Variants in RBFOX3 observed in about 807,000 individuals in gnomAD.
RBFOX3 encodes RNA binding protein fox-1 homolog 3.
Under a neutral mutation model 48.7 loss-of-function variants are expected in RBFOX3, and 17 were observed. The observed-to-expected ratio is 0.35, with a 90% confidence interval of 0.24 to 0.52. RBFOX3 has a LOEUF of 0.52. Among genes scored for constraint, RBFOX3 ranks in the 20% least tolerant of loss-of-function variants. The pLI is 0.94. For synonymous variants in RBFOX3, 212 were observed against 209.5 expected, an observed-to-expected ratio of 1.01 and a Z score of -0.10; for missense variants, 382 against 497.5, an observed-to-expected ratio of 0.77 and a Z score of 2.21.
chr17:79,590,739 G>A (rs1177576705), intron 1 of RBFOX3, among the ~76,000 whole-genome samples: 3 of 152,152 alleles, frequency 2.0e-5, no homozygotes, highest in East Asian at 1.9e-4. Context: ...TGGATGCTGC[G>A]TGTCCACCTC....
chr17:79,616,561 C>G, the RBFOX3 span, among the ~76,000 whole-genome samples: 74 of 104,728 alleles, frequency 7.1e-4, no homozygotes, highest in East Asian at 0.017. Flanking sequence ...AAGAATGGAT[C>G]TCTCTGTCTC....
chr17:79,391,271 G>T lies in RBFOX3; in HGVS notation c.-174-83447C>A, dbSNP rs1568167674. Among the ~76,000 whole-genome samples the T allele has an allele frequency of 1.3e-5, 2 of 152,062 alleles. No homozygotes were observed. Among genetic ancestry groups the T allele is most frequent in the African/African-American group, 2.4e-5 (1 of 41,404 alleles). On this transcript the variant is annotated intron_variant, in intron 2 of 14. Transcript: ENST00000693108. This position sits in a 1 kb window ranked among gnomAD's most constrained non-coding sequence, Gnocchi z 5.0. ...TCCTTAGCGCAACCCCCAAGCTGGG[G>T]TCTCAGCTCCAGCACCTCTCACCTG...
intron 1 of RBFOX3, among the ~76,000 whole-genome samples, chr17:79,491,740 T>C (rs1159907496): frequency 6.6e-6 from 1 of 152,142 alleles, no homozygotes; most frequent in African/African-American, 2.4e-5. Context: ...TATCGCATTA[T>C]TACCCACAGT....
At chr17:79,337,573 C>T (rs930049532) in intron 2 of RBFOX3, among the ~76,000 whole-genome samples, 3 of 152,162 alleles carry the variant, frequency 2.0e-5, no homozygotes, top group East Asian at 1.9e-4. Flanking sequence ...GTTAGGAGTT[C>T]GAGACCAGCC....
chr17:79,516,922 G>C (rs1056726329), intron 1 of RBFOX3, among the ~76,000 whole-genome samples: 1 of 152,102 alleles, frequency 6.6e-6, no homozygotes, highest in African/African-American at 2.4e-5. Flanking sequence ...ACCCCTCGGG[G>C]AGTCATACTC....
the RBFOX3 span, among the ~76,000 whole-genome samples, chr17:79,663,473 T>G: frequency 6.6e-6 from 1 of 152,074 alleles, no homozygotes; most frequent in Non-Finnish European, 1.5e-5. Flanking sequence ...TTATAGGGGG[T>G]CTGACCTTGC....
At chr17:79,139,984 G>A (rs989303166) in intron 4 of RBFOX3, among the ~76,000 whole-genome samples, 1 of 152,180 alleles carries the variant, frequency 6.6e-6, no homozygotes, top group Non-Finnish European at 1.5e-5. Context: ...GCAGGGCCAG[G>A]CCTGGTGTCC....
chr17:79,310,502 CCT>C (rs950976834), intron 2 of RBFOX3, among the ~76,000 whole-genome samples: 44 of 152,174 alleles, frequency 2.9e-4, no homozygotes, highest in African/African-American at 9.4e-4. Context: ...CCCTCCCACC[CCT>C]CTCTTTTCTC....
At chr17:79,137,572 C>T (rs2040526303) in intron 4 of RBFOX3, among the ~76,000 whole-genome samples, 1 of 152,224 alleles carries the variant, frequency 6.6e-6, no homozygotes, top group African/African-American at 2.4e-5. Flanking sequence ...CTTGGGCTTG[C>T]CCTCCACTGC....
chr17:79,257,939 A>C (rs1016131703), intron 3 of RBFOX3, among the ~76,000 whole-genome samples: 1 of 152,058 alleles, frequency 6.6e-6, no homozygotes, highest in Non-Finnish European at 1.5e-5. Flanking sequence ...ATGATGGTAC[A>C]TTTTTCAGCT....
chr17:79,106,425 C>A (rs1293406833), intron 6 of RBFOX3, among the ~76,000 whole-genome samples: 1 of 151,916 alleles, frequency 6.6e-6, no homozygotes, highest in African/African-American at 2.4e-5. Context: ...TCCCCCTACT[C>A]CTCAGCTTGA....
chr17:79,350,139 C>A (rs1167304182), intron 2 of RBFOX3, among the ~76,000 whole-genome samples: 9 of 152,180 alleles, frequency 5.9e-5, no homozygotes, highest in Non-Finnish European at 1.0e-4. Context: ...CCCAGGATGC[C>A]CCCTGTCCGT....
At chr17:79,237,656 C>T (rs2061793897) in intron 3 of RBFOX3, among the ~76,000 whole-genome samples, 1 of 152,202 alleles carries the variant, frequency 6.6e-6, no homozygotes, top group African/African-American at 2.4e-5. Flanking sequence ...TAGGCGGGCC[C>T]CTCCCAGCCG....
At chr17:79,374,885 A>G (rs2059022849) in intron 2 of RBFOX3, among the ~76,000 whole-genome samples, 2 of 152,200 alleles carry the variant, frequency 1.3e-5, no homozygotes. Context: ...TCCAGGCAAC[A>G]TCCACAGCCC....
Position 79,390,662 on chromosome 17 carries a change from A to G in RBFOX3, c.-174-82838T>C, listed in dbSNP as rs557736641. Among the ~76,000 whole-genome samples, 1 of 152,240 alleles carries G rather than the reference A, an allele frequency of 6.6e-6. No individual in the cohort carries two copies. The highest frequency in any genetic ancestry group is 1.9e-4 in the East Asian group (1 of 5,176). ...CCAGCTAATTTTGTATTTTTAGTAGAGACAGGGTTTCGCCATGTTGGCCAG... is the reference window on the plus strand; with the variant it reads ...CCAGCTAATTTTGTATTTTTAGTAGGGACAGGGTTTCGCCATGTTGGCCAG... On this transcript the variant is annotated intron_variant, in intron 2 of 14. Transcript: ENST00000693108. The surrounding 1 kb of genome is among the most constrained non-coding windows in gnomAD (Gnocchi z 4.2).
chr17:79,659,096 T>G, the RBFOX3 span, among the ~76,000 whole-genome samples: 4 of 151,952 alleles, frequency 2.6e-5, no homozygotes, highest in African/African-American at 9.7e-5. Context: ...CTGACGTGAG[T>G]GGCCGCCTTG....
At chr17:79,634,061 G>A in the RBFOX3 span, among the ~76,000 whole-genome samples, 13 of 152,260 alleles carry the variant, frequency 8.5e-5, no homozygotes, top group South Asian at 1.0e-3. Flanking sequence ...CTTCCTCACC[G>A]GGCTTATCTG....
At chr17:79,314,122 C>G (rs1051197409) in intron 2 of RBFOX3, among the ~76,000 whole-genome samples, 1 of 152,166 alleles carries the variant, frequency 6.6e-6, no homozygotes, top group African/African-American at 2.4e-5. Context: ...AACAAGAAAG[C>G]CCAAAAGTTT....
At chr17:79,495,588 T>TGGGAAGGG (rs1346836027) in intron 1 of RBFOX3, among the ~76,000 whole-genome samples, 1 of 4,674 alleles carries the variant, frequency 2.1e-4, no homozygotes, top group African/African-American at 6.3e-4. Flanking sequence ...TGTGGGAAGG[T>TGGGAAGGG]GGGGGAGGGG....
Sources: gnomAD v4.1 joint callset for allele counts (sites outside exome capture counted in the v4.1 genomes callset) on GRCh38, gnomAD v4.1.1 for gene constraint, Gnocchi (gnomAD v3.1) non-coding constraint, MANE v1.5 for transcripts, NCBI Gene and HGNC (gene_info 2026-07-23, HGNC 2026-07-21) for gene names.